The following CNTNAP2 variants were observed in gnomAD, a reference collection of about 807,000 sequenced individuals.
CNTNAP2 encodes the protein contactin associated protein 2.
A neutral mutation model predicts 155.2 loss-of-function variants in CNTNAP2; 98 were observed. The ratio of observed to expected loss-of-function variants is 0.63; its 90% CI spans 0.54 to 0.75. The LOEUF (loss-of-function observed/expected upper bound fraction) is 0.75. Among genes scored for constraint, CNTNAP2 ranks in the 30% least tolerant of loss-of-function variants. The pLI is 0.00. For missense variants in CNTNAP2, 1,727 were observed against 1,688.1 expected, an observed-to-expected ratio of 1.02 and a Z score of -0.40; for synonymous variants, 651 against 631.2, an observed-to-expected ratio of 1.03 and a Z score of -0.47.
At chr7:146,558,085 T>A (rs1798223160) in intron 1 of CNTNAP2, among the ~76,000 whole-genome samples, 1 of 152,140 alleles carries the variant, frequency 6.6e-6, no homozygotes, top group Non-Finnish European at 1.5e-5. Context: ...ACATGACAGT[T>A]TTCTGTTAGC....
At chr7:146,254,766 G>A (rs111228328) in intron 1 of CNTNAP2, among the ~76,000 whole-genome samples, 6,287 of 152,012 alleles carry the variant, frequency 0.041, 398 homozygotes, top group African/African-American at 0.14. Flanking sequence ...GCAAATATTA[G>A]TGAAGAGAAA....
At chr7:146,868,484 T>A (rs1015731848) in intron 3 of CNTNAP2, among the ~76,000 whole-genome samples, 2 of 152,166 alleles carry the variant, frequency 1.3e-5, no homozygotes, top group Non-Finnish European at 2.9e-5. Flanking sequence ...TGTTTAGGAT[T>A]GCCTTGGCTA....
At position 146,864,472 on chromosome 7, in the gene CNTNAP2, TGCA is replaced by T. The variant is rs1423582704; in HGVS notation, c.402+24572_402+24574del. On this transcript the variant is annotated intron_variant, in intron 3 of 23. Transcript: ENST00000361727. Reference sequence around the variant, plus strand: ...ACTATAAAAACTCACAGCTGATGGATGCAGCACTTAATGTTAAACAATAGAATA... The same window carrying T: ...ACTATAAAAACTCACAGCTGATGGATGCACTTAATGTTAAACAATAGAATA... 6.6e-5 allele frequency among the ~76,000 whole-genome samples: 10 copies of T among 152,290 alleles called. No homozygotes were observed. In the East Asian group the frequency reaches 1.5e-3, roughly 24 times the overall value.
chr7:148,097,587 C>G (rs1403161979), intron 15 of CNTNAP2, among the ~76,000 whole-genome samples: 1 of 152,064 alleles, frequency 6.6e-6, no homozygotes, highest in Non-Finnish European at 1.5e-5. Flanking sequence ...CGGGTTCACA[C>G]CAATCTCCTG....
chr7:148,331,934 G>A (rs1179146626), intron 21 of CNTNAP2, among the ~76,000 whole-genome samples: 1 of 152,164 alleles, frequency 6.6e-6, no homozygotes, highest in Non-Finnish European at 1.5e-5. Flanking sequence ...CTGCCTGCCT[G>A]CCTCACGAGC....
chr7:146,247,990 G>A (rs1421596491), intron 1 of CNTNAP2, among the ~76,000 whole-genome samples: 2 of 151,382 alleles, frequency 1.3e-5, no homozygotes, highest in Non-Finnish European at 2.9e-5. Flanking sequence ...GATATAAGAG[G>A]TTGGGGCACG....
intron 10 of CNTNAP2, among the ~76,000 whole-genome samples, chr7:147,415,463 G>A (rs545431835): frequency 7.9e-5 from 12 of 152,160 alleles, no homozygotes; most frequent in Admixed American, 2.0e-4. Flanking sequence ...GAGCTCTCAC[G>A]AGATCTGATG....
intron 21 of CNTNAP2, among the ~76,000 whole-genome samples, chr7:148,334,417 A>C (rs1798082383): frequency 2.0e-5 from 3 of 152,222 alleles, no homozygotes; most frequent in African/African-American, 7.2e-5. Context: ...AAAGCAGGCT[A>C]TAAGCAAAAA....
intron 1 of CNTNAP2, among the ~76,000 whole-genome samples, chr7:146,448,060 A>G (rs1796427132): frequency 6.6e-6 from 1 of 152,044 alleles, no homozygotes; most frequent in African/African-American, 2.4e-5. Flanking sequence ...TTAATTCACA[A>G]GATTCCCATG....
intron 1 of CNTNAP2, among the ~76,000 whole-genome samples, chr7:146,341,532 C>T (rs1794727358): frequency 6.6e-6 from 1 of 152,030 alleles, no homozygotes; most frequent in Non-Finnish European, 1.5e-5. Context: ...CAATTTTGTG[C>T]AGTAGTACTA....
intron 3 of CNTNAP2, among the ~76,000 whole-genome samples, chr7:146,912,330 A>G (rs927926163): frequency 9.3e-5 from 14 of 151,134 alleles, no homozygotes; most frequent in Non-Finnish European, 1.8e-4. Context: ...AAGTTGAGCA[A>G]TTTCCCTTAT....
At chr7:146,569,306 G>A (rs995783471) in intron 1 of CNTNAP2, among the ~76,000 whole-genome samples, 10 of 152,184 alleles carry the variant, frequency 6.6e-5, no homozygotes, top group South Asian at 4.2e-4. Flanking sequence ...GGCGTGAGCC[G>A]CCGCGCCCGG....
intron 9 of CNTNAP2, among the ~76,000 whole-genome samples, chr7:147,359,329 C>T (rs963436184): frequency 1.3e-5 from 2 of 152,056 alleles, no homozygotes; most frequent in Admixed American, 6.6e-5. Flanking sequence ...CCTGCTGTCC[C>T]GAGCCCCTAT....
rs114621185 is a variant in CNTNAP2, at chr7:146,475,607, T to C, written c.98-298664T>C. 7.1e-3 allele frequency among the ~76,000 whole-genome samples: 1,080 copies of C among 152,272 alleles called. 12 individuals are homozygous for C. The highest frequency in any genetic ancestry group is 0.025 in the African/African-American group (1,031 of 41,540). ...ATGATTATTCTGGCAGTGAATGGTA[T>C]ACAGTCAAGATCTGGGAGACCAAGA... On this transcript the variant is annotated intron_variant, in intron 1 of 23. Coordinates refer to ENST00000361727, the MANE Select transcript of CNTNAP2 (RefSeq NM_014141.6).
chr7:147,754,776 A>C (rs1797191905), intron 13 of CNTNAP2, among the ~76,000 whole-genome samples: 1 of 152,220 alleles, frequency 6.6e-6, no homozygotes, highest in African/African-American at 2.4e-5. Flanking sequence ...ATCCCAGCCA[A>C]AATAAAATGG....
At chr7:146,191,416 C>T (rs1217300164) in intron 1 of CNTNAP2, among the ~76,000 whole-genome samples, 2 of 152,038 alleles carry the variant, frequency 1.3e-5, no homozygotes, top group African/African-American at 2.4e-5. Context: ...ATCAGAGGAC[C>T]GTGGTGAAAT....
intron 10 of CNTNAP2, among the ~76,000 whole-genome samples, chr7:147,419,597 C>T (rs1471375911): frequency 6.6e-6 from 1 of 152,052 alleles, no homozygotes; most frequent in African/African-American, 2.4e-5. Flanking sequence ...GCAGAAGTTA[C>T]AATATTTCCT....
chr7:147,247,942 TA>T (rs763750580), intron 8 of CNTNAP2, among the ~76,000 whole-genome samples: 3 of 151,972 alleles, frequency 2.0e-5, no homozygotes, highest in East Asian at 3.9e-4. Context: ...AAAAAATTTT[TA>T]AAAAAAGGTA....
chr7:146,736,611 G>A (rs539122046), intron 1 of CNTNAP2, among the ~76,000 whole-genome samples: 3 of 152,296 alleles, frequency 2.0e-5, no homozygotes, highest in South Asian at 2.1e-4. Context: ...ATGATTCAGA[G>A]TGAGGCAGCT....
Sources: allele counts gnomAD v4.1 joint callset (sites outside exome capture counted in the v4.1 genomes callset), GRCh38; gene constraint gnomAD v4.1.1; transcripts MANE v1.5; gene names NCBI Gene and HGNC (gene_info 2026-07-23, HGNC 2026-07-21).